Variants in CAMK4 observed in about 807,000 individuals in gnomAD.
The protein encoded by CAMK4 is calcium/calmodulin-dependent protein kinase type IV.
In CAMK4, 22 loss-of-function variants were observed where a neutral mutation model predicts 44.9. The ratio of observed to expected loss-of-function variants is 0.49; its 90% CI spans 0.35 to 0.70. The LOEUF (loss-of-function observed/expected upper bound fraction) is 0.70. Ranked by LOEUF, CAMK4 falls within the 30% of genes least tolerant of loss-of-function variation. The probability of loss-of-function intolerance (pLI) is 0.01; values close to 1 mark genes in which losing one functional copy is unlikely to be tolerated. For synonymous variants in CAMK4, 218 were observed against 215.4 expected (o/e 1.01, Z -0.11); for missense variants, 498 against 586.8 (o/e 0.85, Z 1.56).
intron 2 of CAMK4, among the ~76,000 whole-genome samples, chr5:111,368,691 G>A (rs1396421691): frequency 6.6e-6 from 1 of 152,006 alleles, no homozygotes; most frequent in Non-Finnish European, 1.5e-5. Flanking sequence ...ACCCTCTGCT[G>A]GTTTCCTTGG....
At chr5:111,237,747 G>C (rs1748793833) in intron 1 of CAMK4, among the ~76,000 whole-genome samples, 1 of 152,154 alleles carries the variant, frequency 6.6e-6, no homozygotes, top group Non-Finnish European at 1.5e-5. Context: ...GCAATGTCCT[G>C]TCACATGGTT....
chr5:111,466,931 C>T (rs1754856052), intron 7 of CAMK4, among the ~76,000 whole-genome samples: 1 of 152,142 alleles, frequency 6.6e-6, no homozygotes, highest in Non-Finnish European at 1.5e-5. Flanking sequence ...ATCACATTAT[C>T]TGACTTTATA....
chr5:111,263,419 G>A (rs906130748), intron 1 of CAMK4, among the ~76,000 whole-genome samples: 1 of 152,070 alleles, frequency 6.6e-6, no homozygotes, highest in African/African-American at 2.4e-5. Flanking sequence ...GAGCTCTTTG[G>A]GAAATACTGT....
chr5:111,426,860 C>G (rs554975970), intron 5 of CAMK4, among the ~76,000 whole-genome samples: 1 of 152,154 alleles, frequency 6.6e-6, no homozygotes, highest in Non-Finnish European at 1.5e-5. Context: ...CTTGAGTTTC[C>G]ACAAACCTCA....
At chr5:111,332,943 G>A (rs1161806069) in intron 1 of CAMK4, among the ~76,000 whole-genome samples, 3 of 151,528 alleles carry the variant, frequency 2.0e-5, no homozygotes, top group Non-Finnish European at 4.4e-5. Flanking sequence ...TGGTATATTC[G>A]TTGAGTGGCA....
At chr5:111,382,960 A>G (rs916712660) in intron 4 of CAMK4, among the ~76,000 whole-genome samples, 1 of 152,190 alleles carries the variant, frequency 6.6e-6, no homozygotes, top group African/African-American at 2.4e-5. Context: ...ATGTGGCTTT[A>G]TCTGGCTATA....
In CAMK4 at chr5:111,491,768, C is replaced by G. The variant is rs1284752832; in HGVS notation, c.*7302C>G. 6.6e-6 allele frequency: 1 copy of G among 152,142 alleles called. No homozygotes were observed. The highest frequency in any genetic ancestry group is 1.5e-5 in the Non-Finnish European group (1 of 68,032). 9.4% of individuals were successfully genotyped at this position (152,142 alleles called of 1,614,324 possible). A position where few individuals can be genotyped will look rare whatever the true frequency, so the allele number is the denominator to read the frequency against. ...CATTTAAGTCAATCTACAGCTGTTA[C>G]TTACTAAGCTAAGAAATAAGAAGAT... On this transcript the variant is annotated 3_prime_UTR_variant, in exon 11 of 11. Transcript: ENST00000282356.
At chr5:111,465,734 T>TC (rs1326526366) in intron 7 of CAMK4, among the ~76,000 whole-genome samples, 2 of 152,026 alleles carry the variant, frequency 1.3e-5, no homozygotes, top group Non-Finnish European at 2.9e-5. Flanking sequence ...AACAAAAAAG[T>TC]CCAAGACCAG....
intron 2 of CAMK4, among the ~76,000 whole-genome samples, chr5:111,372,627 G>T (rs553813058): frequency 6.6e-6 from 1 of 152,214 alleles, no homozygotes; most frequent in Admixed American, 6.6e-5. Flanking sequence ...AGTTACATGT[G>T]CCAATAAATT....
rs888399182 is a variant in CAMK4, at chr5:111,487,645, A to T, written c.*3179A>T. 6.6e-6 allele frequency: 1 copy of T among 152,190 alleles called. No individual in the cohort carries two copies. The highest frequency in any genetic ancestry group is 2.4e-5 in the African/African-American group (1 of 41,446). The allele number at this position is 152,190 out of a possible 1,614,324, so 9.4% of individuals were successfully genotyped here. ...ATTAAAATTTAATGTGATATTTTGAATTCTTTATTTTTATACTGTTTTCAA... is the reference window on the plus strand; with the variant it reads ...ATTAAAATTTAATGTGATATTTTGATTTCTTTATTTTTATACTGTTTTCAA... On this transcript the variant is annotated 3_prime_UTR_variant, in exon 11 of 11. Transcript: ENST00000282356.
chr5:111,376,241 C>T (rs562304909), intron 3 of CAMK4, among the ~76,000 whole-genome samples: 6 of 152,014 alleles, frequency 3.9e-5, no homozygotes, highest in African/African-American at 1.4e-4. Flanking sequence ...GTCCTGGCTA[C>T]TAGATTCTCG....
chr5:111,346,494 C>CTATCTATCTATA (rs1749872855), intron 2 of CAMK4, among the ~76,000 whole-genome samples: 1 of 151,536 alleles, frequency 6.6e-6, no homozygotes. Context: ...ATCTATCTAT[C>CTATCTATCTATA]TATCTATCTA....
intron 7 of CAMK4, among the ~76,000 whole-genome samples, chr5:111,459,637 C>T (rs1754563382): frequency 6.6e-6 from 1 of 151,434 alleles, no homozygotes. Flanking sequence ...GAGATTGTCC[C>T]CAGTGTCCTC....
At chr5:111,245,223 G>T (rs867535349) in intron 1 of CAMK4, among the ~76,000 whole-genome samples, 1 of 152,164 alleles carries the variant, frequency 6.6e-6, no homozygotes, top group Admixed American at 6.5e-5. Context: ...AATTAATACT[G>T]CCAGCACCCA....
chr5:111,250,096 G>A (rs1314545808), intron 1 of CAMK4, among the ~76,000 whole-genome samples: 1 of 152,152 alleles, frequency 6.6e-6, no homozygotes, highest in Non-Finnish European at 1.5e-5. Flanking sequence ...CTTATACTCT[G>A]TCTTATGGTC....
intron 1 of CAMK4, among the ~76,000 whole-genome samples, chr5:111,256,599 C>G (rs1052890134): frequency 4.6e-5 from 7 of 151,866 alleles, no homozygotes; most frequent in African/African-American, 1.5e-4. Context: ...TTTTAGAGAG[C>G]CCTAATAAAA....
chr5:111,260,836 G>T (rs1362101868), intron 1 of CAMK4, among the ~76,000 whole-genome samples: 2 of 151,998 alleles, frequency 1.3e-5, no homozygotes. Context: ...ATTATTTCTG[G>T]AATAACCTAA....
chr5:111,332,375 C>T (rs1169333646), intron 1 of CAMK4, among the ~76,000 whole-genome samples: 1 of 151,080 alleles, frequency 6.6e-6, no homozygotes, highest in Non-Finnish European at 1.5e-5. Context: ...TGATGATTTC[C>T]AATTTCATCC....
At chr5:111,225,360 T>C (rs1748136408) in intron 1 of CAMK4, among the ~76,000 whole-genome samples, 1 of 152,226 alleles carries the variant, frequency 6.6e-6, no homozygotes, top group Non-Finnish European at 1.5e-5. Flanking sequence ...CCCCTATCCC[T>C]CCTCTGAAGA....
Sources: allele counts gnomAD v4.1 joint callset (sites outside exome capture counted in the v4.1 genomes callset), GRCh38; gene constraint gnomAD v4.1.1; transcripts MANE v1.5; gene names NCBI Gene and HGNC (gene_info 2026-07-23, HGNC 2026-07-21).